FHIT: variants seen among roughly 807,000 people sequenced by gnomAD.
FHIT encodes the protein fragile histidine triad diadenosine triphosphatase.
Under a neutral mutation model 17.9 loss-of-function variants are expected in FHIT, and 19 were observed. The ratio of observed to expected loss-of-function variants is 1.06; its 90% CI spans 0.74 to 1.56. The LOEUF is 1.56. Among genes scored for constraint, FHIT ranks in the 40% most tolerant of loss-of-function variants. The pLI is 0.00. For synonymous variants in FHIT, 81 were observed against 69.7 expected, an observed-to-expected ratio of 1.16 and a Z score of -0.81; for missense variants, 248 against 189.2, an observed-to-expected ratio of 1.31 and a Z score of -1.82.
chr3:60,318,536 C>T (rs1480228232), intron 5 of FHIT, among the ~76,000 whole-genome samples: 1 of 152,138 alleles, frequency 6.6e-6, no homozygotes, highest in South Asian at 2.1e-4. Flanking sequence ...TACCCAAATC[C>T]CTCTTCCTTT....
At chr3:60,216,678 A>G (rs552418311) in intron 5 of FHIT, among the ~76,000 whole-genome samples, 1 of 152,304 alleles carries the variant, frequency 6.6e-6, no homozygotes, top group Admixed American at 6.5e-5. Flanking sequence ...GGCTGGTTGG[A>G]TAGATAATCC....
intron 7 of FHIT, among the ~76,000 whole-genome samples, chr3:59,995,194 G>A (rs571248216): frequency 1.3e-5 from 2 of 151,720 alleles, no homozygotes; most frequent in East Asian, 1.9e-4. Context: ...ATCTGATGTA[G>A]GCATTTAGAA....
chr3:60,775,075 A>C (rs9857754), intron 4 of FHIT, among the ~76,000 whole-genome samples: 25,231 of 152,150 alleles, frequency 0.17, 3,149 homozygotes, highest in African/African-American at 0.36. Context: ...CATTGTTTCA[A>C]CCAGTGCAGC....
At chr3:60,006,797 T>C (rs1699943481) in intron 7 of FHIT, among the ~76,000 whole-genome samples, 2 of 152,190 alleles carry the variant, frequency 1.3e-5, no homozygotes, top group South Asian at 2.1e-4. Flanking sequence ...AATTAAGAGA[T>C]AAAATGTCCT....
At chr3:61,182,394 A>T (rs2038369650) in intron 2 of FHIT, among the ~76,000 whole-genome samples, 1 of 152,226 alleles carries the variant, frequency 6.6e-6, no homozygotes, top group African/African-American at 2.4e-5. Context: ...TCTTTAAATC[A>T]ACTCAATTCT....
chr3:59,988,144 T>A (rs1279003423), intron 7 of FHIT, among the ~76,000 whole-genome samples: 1 of 152,114 alleles, frequency 6.6e-6, no homozygotes, highest in African/African-American at 2.4e-5. Context: ...CAACAGAGAA[T>A]GAGAAATTCT....
At chr3:60,093,903 A>G (rs553345257) in intron 5 of FHIT, among the ~76,000 whole-genome samples, 2 of 152,236 alleles carry the variant, frequency 1.3e-5, no homozygotes, top group Admixed American at 6.5e-5. Flanking sequence ...ACAGGCATCA[A>G]TGTTTCAAAT....
intron 5 of FHIT, among the ~76,000 whole-genome samples, chr3:60,416,030 C>T (rs1178722808): frequency 6.6e-6 from 1 of 150,934 alleles, no homozygotes; most frequent in Non-Finnish European, 1.5e-5. Context: ...TACATGTTAT[C>T]TTAATTCTTA....
intron 5 of FHIT, among the ~76,000 whole-genome samples, chr3:60,370,917 T>C (rs1700301605): frequency 2.0e-5 from 3 of 152,356 alleles, no homozygotes; most frequent in Non-Finnish European, 4.4e-5. Flanking sequence ...ATTGCTTTTG[T>C]GCCTCTCACT....
intron 5 of FHIT, among the ~76,000 whole-genome samples, chr3:60,128,006 T>G (rs1334368488): frequency 1.3e-5 from 2 of 152,202 alleles, no homozygotes. Context: ...CAAGTAATAT[T>G]AAGATTGTTA....
intron 5 of FHIT, among the ~76,000 whole-genome samples, chr3:60,145,125 T>G (rs1700185715): frequency 6.6e-6 from 1 of 151,142 alleles, no homozygotes; most frequent in African/African-American, 2.5e-5. Context: ...CTTATTCATA[T>G]GTTCTCACTG....
At chr3:60,257,131 T>C (rs765166936) in intron 5 of FHIT, among the ~76,000 whole-genome samples, 1 of 152,208 alleles carries the variant, frequency 6.6e-6, no homozygotes, top group Non-Finnish European at 1.5e-5. Flanking sequence ...GTTTGGATTA[T>C]CTTTTAAACC....
chr3:60,912,307 G>A (rs1553766104), intron 3 of FHIT, among the ~76,000 whole-genome samples: 1 of 152,138 alleles, frequency 6.6e-6, no homozygotes, highest in Non-Finnish European at 1.5e-5. Context: ...AGCCTGGACT[G>A]TGGAATCCGA....
At chr3:60,931,491 G>C (rs1472677947) in intron 3 of FHIT, among the ~76,000 whole-genome samples, 1 of 151,984 alleles carries the variant, frequency 6.6e-6, no homozygotes, top group Non-Finnish European at 1.5e-5. Context: ...TGACATTTCG[G>C]AGGCCCCTAA....
intron 3 of FHIT, among the ~76,000 whole-genome samples, chr3:60,981,311 T>TC (rs1710482827): frequency 7.8e-6 from 1 of 128,874 alleles, no homozygotes; most frequent in African/African-American, 2.8e-5. Flanking sequence ...TTTTTTTTTT[T>TC]CTTTTTTTTT....
chr3:60,016,586 T>C (rs552336713), intron 5 of FHIT, among the ~76,000 whole-genome samples: 3 of 152,260 alleles, frequency 2.0e-5, no homozygotes, highest in Non-Finnish European at 4.4e-5. Flanking sequence ...CATTCTAATG[T>C]CCGCAACTGT....
chr3:61,197,971 T>C (rs1443578435), intron 2 of FHIT, among the ~76,000 whole-genome samples: 1 of 152,142 alleles, frequency 6.6e-6, no homozygotes, highest in East Asian at 1.9e-4. Context: ...TAACCCATTT[T>C]TGAGAGTCTA....
At chr3:61,106,720 G>T (rs1206656125) in intron 2 of FHIT, among the ~76,000 whole-genome samples, 1 of 152,094 alleles carries the variant, frequency 6.6e-6, no homozygotes, top group African/African-American at 2.4e-5. Context: ...GGAGTGAAGT[G>T]GCGCATGTCA....
intron 8 of FHIT, among the ~76,000 whole-genome samples, chr3:59,903,773 G>A (rs949666717): frequency 1.3e-5 from 2 of 152,164 alleles, no homozygotes; most frequent in Non-Finnish European, 2.9e-5. Flanking sequence ...TTCCCTGTGA[G>A]AGCCATAAGG....
Sources: allele counts gnomAD v4.1 joint callset (sites outside exome capture counted in the v4.1 genomes callset), GRCh38; gene constraint gnomAD v4.1.1; transcripts MANE v1.5; gene names NCBI Gene and HGNC (gene_info 2026-07-23, HGNC 2026-07-21).